The following CNBD2 variants were observed in gnomAD, a reference collection of about 807,000 sequenced individuals.
The protein encoded by CNBD2 is cyclic nucleotide binding domain containing 2.
CNBD2 carries 64 observed loss-of-function variants against 63.7 expected under a neutral mutation model. That is an observed-to-expected ratio of 1.00 (90% CI 0.82 to 1.24). The LOEUF (loss-of-function observed/expected upper bound fraction) is 1.24, where lower values mean the gene tolerates loss of function less well. Ranked by LOEUF, CNBD2 falls within the 50% of genes most tolerant of loss-of-function variation. CNBD2 has a pLI of 0.00. For missense variants in CNBD2, 691 were observed against 713.5 expected, an observed-to-expected ratio of 0.97 and a Z score of 0.36; for synonymous variants, 229 against 255.4, an observed-to-expected ratio of 0.90 and a Z score of 0.99.
rs530034275 is a variant in CNBD2 at position 36,029,452 on chromosome 20, G to A, written c.1440-905G>A. On this transcript the variant is annotated intron_variant, in intron 11 of 11. Transcript: ENST00000373973. ...TTAACAACCAGCTCTCCAAGATGCC[G>A]GAGGAGGACCCTGGCTTGCAGTGTT... Among the ~76,000 whole-genome samples, 3 of 152,288 alleles carry A rather than the reference G, an allele frequency of 2.0e-5. No homozygotes were observed. The East Asian group carries it at 5.8e-4, about 29-fold the overall frequency.
rs547643888 is a variant in CNBD2 at position 35,982,272 on chromosome 20, A to G, written c.407+1650A>G. ...ACAATGGCTGCTCATCAGTCCTGGC[A>G]GAGACTAAAGGGCAGACTTTTTTTT... On this transcript the variant is annotated intron_variant, in intron 4 of 11. Coordinates refer to ENST00000373973, the MANE Select transcript of CNBD2 (RefSeq NM_001365709.1). Among the ~76,000 whole-genome samples the G allele has an allele frequency of 3.3e-5, 5 of 152,284 alleles. No individual in the cohort carries two copies. In the South Asian group the frequency reaches 1.0e-3, roughly 32 times the overall value.
At chr20:36,001,656 C>T (rs570696762) in intron 8 of CNBD2, among the ~76,000 whole-genome samples, 4 of 149,364 alleles carry the variant, frequency 2.7e-5, no homozygotes, top group African/African-American at 9.9e-5. Context: ...GGTTGCCAGG[C>T]GGAGGGTCTC....
At chr20:35,975,460 C>T (rs1291579442) in intron 2 of CNBD2, among the ~76,000 whole-genome samples, 2 of 103,440 alleles carry the variant, frequency 1.9e-5, no homozygotes, top group Non-Finnish European at 4.0e-5. Context: ...GCTACCACGC[C>T]CGGCTAATTT....
chr20:35,954,482 G>T (rs35562811), upstream of CNBD2: 1 of 1,545,766 alleles, frequency 6.5e-7, no homozygotes, highest in African/African-American at 1.4e-5. Context: ...AGCCGGAAGC[G>T]AAAGTCTCTG....
chr20:36,006,792 G>A (rs532010421), intron 8 of CNBD2, among the ~76,000 whole-genome samples: 5 of 152,270 alleles, frequency 3.3e-5, no homozygotes, highest in African/African-American at 9.6e-5. Flanking sequence ...GTTCCCTTGT[G>A]CCGCCTCCCA....
intron 10 of CNBD2, among the ~76,000 whole-genome samples, chr20:36,014,304 A>G (rs1296782764): frequency 6.6e-6 from 1 of 150,572 alleles, no homozygotes; most frequent in African/African-American, 2.4e-5. Context: ...TAACACTTGG[A>G]TCTTGGTTGG....
intron 10 of CNBD2, among the ~76,000 whole-genome samples, chr20:36,018,007 G>T (rs539031878): frequency 1.2e-4 from 19 of 152,344 alleles, no homozygotes; most frequent in African/African-American, 4.6e-4. Flanking sequence ...TAGATTTACA[G>T]AAAAATTGAG....
At chr20:35,975,336 T>A (rs2056494757) in intron 2 of CNBD2, among the ~76,000 whole-genome samples, 1 of 119,910 alleles carries the variant, frequency 8.3e-6, no homozygotes, top group Non-Finnish European at 1.8e-5. Flanking sequence ...AGTCTTGCTC[T>A]GTTGCCCAGG....
At chr20:36,012,792 A>G (rs2057079924) in intron 10 of CNBD2, among the ~76,000 whole-genome samples, 1 of 147,740 alleles carries the variant, frequency 6.8e-6, no homozygotes, top group Non-Finnish European at 1.5e-5. Context: ...ATTGCACTCC[A>G]GCCTGGGCAA....
At chr20:35,987,070 A>G (rs939963257) in intron 6 of CNBD2, among the ~76,000 whole-genome samples, 4 of 148,114 alleles carry the variant, frequency 2.7e-5, no homozygotes, top group Non-Finnish European at 4.5e-5. Context: ...GTGGGGAGGG[A>G]TGGCAGGGCT....
chr20:35,982,863 C>T (rs1601034668), intron 4 of CNBD2, among the ~76,000 whole-genome samples: 1 of 151,926 alleles, frequency 6.6e-6, no homozygotes, highest in Admixed American at 6.6e-5. Flanking sequence ...CAGGTGTGCA[C>T]CCCCACATTT....
At chr20:35,977,186 G>A (rs762089396) in intron 3 of CNBD2, among the ~76,000 whole-genome samples, 5 of 152,178 alleles carry the variant, frequency 3.3e-5, no homozygotes, top group Non-Finnish European at 5.9e-5. Flanking sequence ...AGTAGAGGGC[G>A]GGAAGAGGGC....
chr20:36,020,017 C>T (rs2057186258), intron 10 of CNBD2, among the ~76,000 whole-genome samples: 1 of 152,160 alleles, frequency 6.6e-6, no homozygotes, highest in Non-Finnish European at 1.5e-5. Flanking sequence ...TGAAGACAGA[C>T]CACCTGATTC....
downstream of CNBD2, among the ~76,000 whole-genome samples, chr20:35,959,980 A>G (rs1412280295): frequency 6.6e-6 from 1 of 152,240 alleles, no homozygotes; most frequent in Non-Finnish European, 1.5e-5. Flanking sequence ...TGTGATAATC[A>G]TATATTGCTT....
intron 4 of CNBD2, among the ~76,000 whole-genome samples, chr20:35,981,252 C>G (rs532986079): frequency 6.6e-6 from 1 of 152,084 alleles, no homozygotes; most frequent in African/African-American, 2.4e-5. Context: ...CTTTCCCCTT[C>G]CCAAAAATGT....
chr20:35,980,468 C>G lies in CNBD2; in HGVS notation c.253C>G (p.Pro85Ala). 6.2e-7 allele frequency: 1 copy of G among 1,614,174 alleles called. No individual in the cohort carries two copies. The highest frequency in any genetic ancestry group is 8.5e-7 in the Non-Finnish European group (1 of 1,180,010). Residue 85 changes from proline (P) to alanine (A), a missense_variant, in exon 4 of 12, where the codon CCT becomes GCT. Transcript: ENST00000373973. ...GGTCCTCTCTCCCCAGGGTCACTTT[C>G]CTCCAAAGGCCATTCAGATCATGCA... ...MDFIAEEGHF[P>A]PKAIQIMQKK...
chr20:36,018,062 C>T (rs2057159259), intron 10 of CNBD2, among the ~76,000 whole-genome samples: 1 of 152,228 alleles, frequency 6.6e-6, no homozygotes, highest in Non-Finnish European at 1.5e-5. Flanking sequence ...CCAGTTTCCC[C>T]TGTTATTAAC....
chr20:35,981,102 G>C (rs1189620073), intron 4 of CNBD2, among the ~76,000 whole-genome samples: 1 of 152,208 alleles, frequency 6.6e-6, no homozygotes, highest in Non-Finnish European at 1.5e-5. Flanking sequence ...AGGAGAATCA[G>C]GGTGTGATTG....
chr20:35,961,882 C>G (rs1317738919), intron 2 of CNBD2, among the ~76,000 whole-genome samples: 1 of 152,150 alleles, frequency 6.6e-6, no homozygotes, highest in African/African-American at 2.4e-5. Flanking sequence ...GTGTGTTTCC[C>G]TGGTCACCCC....
Sources: allele counts gnomAD v4.1 joint callset (sites outside exome capture counted in the v4.1 genomes callset), GRCh38; gene constraint gnomAD v4.1.1; transcripts MANE v1.5; gene names NCBI Gene and HGNC (gene_info 2026-07-23, HGNC 2026-07-21).